ASB18: variants seen among roughly 807,000 people sequenced by gnomAD.
The protein encoded by ASB18 is ankyrin repeat and SOCS box containing 18.
ASB18 carries 33 observed loss-of-function variants against 33.4 expected under a neutral mutation model. That is an observed-to-expected ratio of 0.99 (90% CI 0.75 to 1.32). The LOEUF (loss-of-function observed/expected upper bound fraction) is 1.32. Among genes scored for constraint, ASB18 ranks in the 40% most tolerant of loss-of-function variants. The pLI is 0.00. For missense variants in ASB18, 694 were observed against 655.5 expected (o/e 1.06, Z -0.64); for synonymous variants, 295 against 307.6 (o/e 0.96, Z 0.43).
At position 236,264,395 on chromosome 2, in the gene ASB18, G is replaced by A. The variant is rs756145947; in HGVS notation, c.-50C>T. 8 of 1,524,196 alleles carry A rather than the reference G, an allele frequency of 5.2e-6. No homozygotes were observed. The highest frequency in any genetic ancestry group is 2.7e-5 in the African/African-American group (2 of 73,146). The allele number at this position is 1,524,196 out of a possible 1,614,324, so 94.4% of individuals were successfully genotyped here. A position where few individuals can be genotyped will look rare whatever the true frequency, so the allele number is the denominator to read the frequency against. ...AGCCCTTCTTTTCTTCCTCTAAAGCGACTCCAAAGTCAGCAGCTGTCCGTG... is the reference window on the plus strand; with the variant it reads ...AGCCCTTCTTTTCTTCCTCTAAAGCAACTCCAAAGTCAGCAGCTGTCCGTG... On this transcript the variant is annotated 5_prime_UTR_variant, in exon 1 of 6. Transcript: ENST00000409749. This position sits in a 1 kb window ranked among gnomAD's most constrained non-coding sequence, Gnocchi z 5.1.
rs1486015050 is a variant in ASB18, at chr2:236,260,436, A to G, written c.205+3705T>C. ...TGTGCTGCATTTCAAGGTCATTGCC[A>G]TAAGTTTTGACCACTGTTCAAAAAT... is the stretch of plus-strand genomic sequence containing the variant. On this transcript the variant is annotated intron_variant, in intron 1 of 5. Coordinates refer to ENST00000409749, the MANE Select transcript of ASB18 (RefSeq NM_212556.4). This position sits in a 1 kb window ranked among gnomAD's most constrained non-coding sequence, Gnocchi z 5.1. Among the ~76,000 whole-genome samples, 4 of 152,206 alleles carry G rather than the reference A, an allele frequency of 2.6e-5. No homozygotes were observed. Among genetic ancestry groups the G allele is most frequent in the African/African-American group, 9.6e-5 (4 of 41,452 alleles).
chr2:236,214,682 C>G lies in ASB18; in HGVS notation c.781G>C (p.Gly261Arg), dbSNP rs6431437. The G allele has an allele frequency of 1.8e-6, 2 of 1,142,104 alleles. No individual in the cohort carries two copies. The highest frequency in any genetic ancestry group is 1.7e-5 in the African/African-American group (1 of 60,512). The allele number at this position is 1,142,104 out of a possible 1,614,324, so 70.7% of individuals were successfully genotyped here. A position where few individuals can be genotyped will look rare whatever the true frequency, so the allele number is the denominator to read the frequency against. The change falls in exon 4 of 6, where the codon GGT (glycine) becomes CGT (arginine). Residue 261 changes from glycine to arginine, a missense_variant. Transcript: ENST00000409749. The surrounding 1 kb of genome is among the most constrained non-coding windows in gnomAD (Gnocchi z 6.5). ...TGCTCGTCGGGCCTCCGCGCCGCAC[C>G]GCAGGCCGCGCTCAGAGCCGTCTCT... is the stretch of plus-strand genomic sequence containing the variant. ...RGETALSAACGAARRPDEHGR... is the reference protein window; with the variant it reads ...RGETALSAACRAARRPDEHGR...
rs1385189728 is a variant in ASB18 at position 236,256,740 on chromosome 2, C to T, written c.205+7401G>A. On this transcript the variant is annotated intron_variant, in intron 1 of 5. Coordinates refer to ENST00000409749, the MANE Select transcript of ASB18 (RefSeq NM_212556.4). The surrounding 1 kb of genome is among the most constrained non-coding windows in gnomAD (Gnocchi z 4.7). ...CTAATTGCAATTTCACTGTGTTCCACAGGCAGTGACAGTTCATACTTGGGG... is the reference window on the plus strand; with the variant it reads ...CTAATTGCAATTTCACTGTGTTCCATAGGCAGTGACAGTTCATACTTGGGG... Among the ~76,000 whole-genome samples, 1 of 152,214 alleles carries T rather than the reference C, an allele frequency of 6.6e-6. No homozygotes were observed. The highest frequency in any genetic ancestry group is 1.5e-5 in the Non-Finnish European group (1 of 68,034).
rs1367616736 is a variant in ASB18 at position 236,223,369 on chromosome 2, A to G, written c.597-8503T>C. 5.3e-5 allele frequency among the ~76,000 whole-genome samples: 8 copies of G among 152,136 alleles called. No individual in the cohort carries two copies. In the East Asian group the frequency reaches 1.2e-3, roughly 22 times the overall value. ...TTCTCTCATCCCCTGGTCCCAATAT[A>G]CTAGGTGAAGAGGAAGACCCAGTAG... On this transcript the variant is annotated intron_variant, in intron 3 of 5. Transcript: ENST00000409749. The surrounding 1 kb of genome is among the most constrained non-coding windows in gnomAD (Gnocchi z 4.6).
At chr2:236,258,841 C>G (rs1274929219) in intron 1 of ASB18, among the ~76,000 whole-genome samples, 1 of 152,204 alleles carries the variant, frequency 6.6e-6, no homozygotes, top group Non-Finnish European at 1.5e-5. Context: ...TGCTTAAATA[C>G]TATTACCCCA....
chr2:236,214,927 C>T lies in ASB18; in HGVS notation c.597-61G>A. On this transcript the variant is annotated intron_variant, in intron 3 of 5. Coordinates refer to ENST00000409749, the MANE Select transcript of ASB18 (RefSeq NM_212556.4). The surrounding 1 kb of genome is among the most constrained non-coding windows in gnomAD (Gnocchi z 6.5). ...GCAGGACGCCCGCACCCTTCCACCC[C>T]CGGCCTGCTGCTGCAAAATATCAAG... 8.4e-7 allele frequency: 1 copy of T among 1,187,614 alleles called. No individual in the cohort carries two copies. The highest frequency in any genetic ancestry group is 1.0e-6 in the Non-Finnish European group (1 of 957,310). 73.6% of individuals were successfully genotyped at this position (1,187,614 alleles called of 1,614,324 possible).
Position 236,214,512 on chromosome 2 carries a change from G to A in ASB18, c.951C>T (p.Ala317=), listed in dbSNP as rs868198216. ...SLARLLLRHG[A]DAGALDYGGA... ...CGCCATAGTCGAGCGCGCCCGCGTC[G>A]GCGCCGTGCCGCAGTAGGAGGCGCG... Residue 317 remains alanine (A), a synonymous_variant, in exon 4 of 6, where the codon GCC becomes GCT. Coordinates refer to ENST00000409749, the MANE Select transcript of ASB18 (RefSeq NM_212556.4). The surrounding 1 kb of genome is among the most constrained non-coding windows in gnomAD (Gnocchi z 6.5). The A allele has an allele frequency of 4.7e-5, 69 of 1,468,144 alleles. 1 individual carries two copies. Among genetic ancestry groups the A allele is most frequent in the Non-Finnish European group, 5.8e-5 (65 of 1,121,378 alleles). The allele number at this position is 1,468,144 out of a possible 1,614,324, so 90.9% of individuals were successfully genotyped here.
At chr2:236,233,207 A>G (rs1453392166) in intron 3 of ASB18, among the ~76,000 whole-genome samples, 2 of 152,172 alleles carry the variant, frequency 1.3e-5, no homozygotes, top group East Asian at 3.8e-4. Context: ...ATCTCCATAT[A>G]TGTAGAAAAA....
At position 236,244,861 on chromosome 2, in the gene ASB18, T is replaced by G. The variant is rs920902578; in HGVS notation, c.206-3459A>C. 6.6e-6 allele frequency among the ~76,000 whole-genome samples: 1 copy of G among 152,238 alleles called. No individual in the cohort carries two copies. The highest frequency in any genetic ancestry group is 2.4e-5 in the African/African-American group (1 of 41,468). On this transcript the variant is annotated intron_variant, in intron 1 of 5. Coordinates refer to ENST00000409749, the MANE Select transcript of ASB18 (RefSeq NM_212556.4). The surrounding 1 kb of genome is among the most constrained non-coding windows in gnomAD (Gnocchi z 6.1). ...TGTTTTGACCCTTGTTGTAGAACCC[T>G]TGTTCTGACCCCTGTTACAGGCATG...
At position 236,216,919 on chromosome 2, in the gene ASB18, C is replaced by T. The variant is rs190104920; in HGVS notation, c.597-2053G>A. Among the ~76,000 whole-genome samples the T allele has an allele frequency of 9.9e-5, 15 of 152,124 alleles. No homozygotes were observed. The highest frequency in any genetic ancestry group is 1.0e-4 in the Non-Finnish European group (7 of 68,042). Reference sequence around the variant, plus strand: ...GCCTGACCAGGTATGGTGCTGAGAGCACACTCTGCCGTGCCATGCCCCCAT... The same window carrying T: ...GCCTGACCAGGTATGGTGCTGAGAGTACACTCTGCCGTGCCATGCCCCCAT... On this transcript the variant is annotated intron_variant, in intron 3 of 5. Transcript: ENST00000409749. This position sits in a 1 kb window ranked among gnomAD's most constrained non-coding sequence, Gnocchi z 6.1.
At position 236,239,073 on chromosome 2, in the gene ASB18, G is replaced by C. The variant is rs1219783524; in HGVS notation, c.329-1117C>G. On this transcript the variant is annotated intron_variant, in intron 2 of 5. Coordinates refer to ENST00000409749, the MANE Select transcript of ASB18 (RefSeq NM_212556.4). The surrounding 1 kb of genome is among the most constrained non-coding windows in gnomAD (Gnocchi z 5.6). ...TGGTGGCCAGAGGCCCCAGGGACATGGACCTGCATGGGTTTGAGCTGCCCT... is the reference window on the plus strand; with the variant it reads ...TGGTGGCCAGAGGCCCCAGGGACATCGACCTGCATGGGTTTGAGCTGCCCT... 6.6e-6 allele frequency among the ~76,000 whole-genome samples: 1 copy of C among 152,184 alleles called. No homozygotes were observed. Among genetic ancestry groups the C allele is most frequent in the African/African-American group, 2.4e-5 (1 of 41,444 alleles).
At position 236,194,367 on chromosome 2, in the gene ASB18, G is replaced by A. The variant is rs1292891173; in HGVS notation, c.*505C>T. On this transcript the variant is annotated 3_prime_UTR_variant, in exon 6 of 6. Transcript: ENST00000409749. The surrounding 1 kb of genome is among the most constrained non-coding windows in gnomAD (Gnocchi z 4.5). ...TGTTATTAATCTCTTTTAAAGGTAT[G>A]TGTAGCTTGCCTTTATTTCAATCTT... Among the ~76,000 whole-genome samples, 1 of 152,190 alleles carries A rather than the reference G, an allele frequency of 6.6e-6. No homozygotes were observed. Among genetic ancestry groups the A allele is most frequent in the Non-Finnish European group, 1.5e-5 (1 of 68,032 alleles).
rs541530829 is a variant in ASB18, at chr2:236,216,004, G to C, written c.597-1138C>G. 5.6e-4 allele frequency among the ~76,000 whole-genome samples: 86 copies of C among 152,218 alleles called. No homozygotes were observed. Among genetic ancestry groups the C allele is most frequent in the African/African-American group, 1.5e-3 (63 of 41,520 alleles). ...CCTTCCTGGCTTCAGTTCCTTTCCT[G>C]GGCAGCACTGTGGTCACCTCGTCAT... On this transcript the variant is annotated intron_variant, in intron 3 of 5. Coordinates refer to ENST00000409749, the MANE Select transcript of ASB18 (RefSeq NM_212556.4). The surrounding 1 kb of genome is among the most constrained non-coding windows in gnomAD (Gnocchi z 6.1).
Position 236,250,606 on chromosome 2 carries a change from T to C in ASB18, c.206-9204A>G, listed in dbSNP as rs1432551301. On this transcript the variant is annotated intron_variant, in intron 1 of 5. Transcript: ENST00000409749. The surrounding 1 kb of genome is among the most constrained non-coding windows in gnomAD (Gnocchi z 4.1). ...CCATGTACTAAGTCTGACTGGACTC[T>C]AGGATAATAACATCACTACCAACTG... is the stretch of plus-strand genomic sequence containing the variant. 6.6e-6 allele frequency: 1 copy of C among 152,226 alleles called. No individual in the cohort carries two copies. The highest frequency in any genetic ancestry group is 1.5e-5 in the Non-Finnish European group (1 of 68,038). The allele number at this position is 152,226 out of a possible 1,614,324, so 9.4% of individuals were successfully genotyped here.
rs7423226 is a variant in ASB18 at position 236,221,418 on chromosome 2, T to C, written c.597-6552A>G. 0.48 allele frequency among the ~76,000 whole-genome samples: 73,719 copies of C among 152,032 alleles called. 22,098 individuals are homozygous for C. The highest frequency in any genetic ancestry group is 0.86 in the African/African-American group (35,740 of 41,496). On this transcript the variant is annotated intron_variant, in intron 3 of 5. Coordinates refer to ENST00000409749, the MANE Select transcript of ASB18 (RefSeq NM_212556.4). This position sits in a 1 kb window ranked among gnomAD's most constrained non-coding sequence, Gnocchi z 5.6. Reference sequence around the variant, plus strand: ...TTGAGTTTTACTCCCATAATTCCCATGTGTTGTGGGAGGGACCCGGTGGGA... The same window carrying C: ...TTGAGTTTTACTCCCATAATTCCCACGTGTTGTGGGAGGGACCCGGTGGGA...
rs2106281906 is a variant in ASB18, at chr2:236,244,665, C to A, written c.206-3263G>T. Among the ~76,000 whole-genome samples the A allele has an allele frequency of 6.6e-6, 1 of 152,232 alleles. No homozygotes were observed. The highest frequency in any genetic ancestry group is 1.5e-5 in the Non-Finnish European group (1 of 68,022). On this transcript the variant is annotated intron_variant, in intron 1 of 5. Transcript: ENST00000409749. The surrounding 1 kb of genome is among the most constrained non-coding windows in gnomAD (Gnocchi z 6.1). ...TGAGTGCCCAACCAGAGCAGGCTTT[C>A]TGTGTGGGCTCTTTATTTGGAAGAG...
chr2:236,259,819 C>A lies in ASB18; in HGVS notation c.205+4322G>T, dbSNP rs1373983266. On this transcript the variant is annotated intron_variant, in intron 1 of 5. Transcript: ENST00000409749. This position sits in a 1 kb window ranked among gnomAD's most constrained non-coding sequence, Gnocchi z 4.4. ...TTCTCCTGCCTAATGCCTGCCTCAG[C>A]AGGGTATGTTCTGTGCTTTCCCCCA... 6.6e-6 allele frequency among the ~76,000 whole-genome samples: 1 copy of A among 152,248 alleles called. No individual in the cohort carries two copies. Among genetic ancestry groups the A allele is most frequent in the African/African-American group, 2.4e-5 (1 of 41,472 alleles).
intron 1 of ASB18, among the ~76,000 whole-genome samples, chr2:236,243,877 A>G (rs1487148127): frequency 6.6e-6 from 1 of 152,020 alleles, no homozygotes; most frequent in African/African-American, 2.4e-5. Context: ...CCCAGGCTGG[A>G]GTACGGTGAT....
rs1466733483 is a variant in ASB18 at position 236,195,070 on chromosome 2, G to A, written c.1216-13C>T. 1.2e-6 allele frequency: 2 copies of A among 1,602,250 alleles called. No individual in the cohort carries two copies. Among genetic ancestry groups the A allele is most frequent in the African/African-American group, 2.7e-5 (2 of 74,662 alleles). On this transcript the variant is annotated splice_polypyrimidine_tract_variant and intron_variant, in intron 5 of 5. Coordinates refer to ENST00000409749, the MANE Select transcript of ASB18 (RefSeq NM_212556.4). This position sits in a 1 kb window ranked among gnomAD's most constrained non-coding sequence, Gnocchi z 5.5. Reference sequence around the variant, plus strand: ...ACGGCTTGTGCATCTGGAAGGGAAGGCAGGTGGATTAGAAATCTGGGCACG... The same window carrying A: ...ACGGCTTGTGCATCTGGAAGGGAAGACAGGTGGATTAGAAATCTGGGCACG...
Sources: gnomAD v4.1 joint callset for allele counts (sites outside exome capture counted in the v4.1 genomes callset) on GRCh38, gnomAD v4.1.1 for gene constraint, Gnocchi (gnomAD v3.1) non-coding constraint, MANE v1.5 for transcripts, NCBI Gene and HGNC (gene_info 2026-07-23, HGNC 2026-07-21) for gene names.